The following BCKDHB variants were observed in gnomAD, a reference collection of about 807,000 sequenced individuals.
BCKDHB encodes the protein 2-oxoisovalerate dehydrogenase subunit beta, mitochondrial.
A neutral mutation model predicts 48.5 loss-of-function variants in BCKDHB; 41 were observed. The observed-to-expected ratio is 0.85, with a 90% CI of 0.66 to 1.10. The LOEUF (loss-of-function observed/expected upper bound fraction) is 1.10, where lower values mean the gene tolerates loss of function less well. BCKDHB is among the 50% of genes least tolerant of loss of function. BCKDHB has a pLI of 0.00. For missense variants in BCKDHB, 496 were observed against 494.2 expected, an observed-to-expected ratio of 1.00 and a Z score of -0.03; for synonymous variants, 201 against 174.8, an observed-to-expected ratio of 1.15 and a Z score of -1.18.
chr6:80,435,589 T>C, the BCKDHB span, among the ~76,000 whole-genome samples: 1 of 152,230 alleles, frequency 6.6e-6, no homozygotes, highest in Non-Finnish European at 1.5e-5. Flanking sequence ...TCCACTTTTT[T>C]TCAAGATCTT....
At chr6:80,408,581 T>C in the BCKDHB span, among the ~76,000 whole-genome samples, 1 of 152,172 alleles carries the variant, frequency 6.6e-6, no homozygotes, top group Non-Finnish European at 1.5e-5. Context: ...TGGTTTAGTC[T>C]TGGGAGGTTG....
chr6:80,136,361 G>A (rs1438701094), intron 3 of BCKDHB, among the ~76,000 whole-genome samples: 1 of 152,064 alleles, frequency 6.6e-6, no homozygotes, highest in African/African-American at 2.4e-5. Flanking sequence ...TTCAACAGGG[G>A]AAAGGACAGT....
the BCKDHB span, among the ~76,000 whole-genome samples, chr6:80,379,277 T>G: frequency 1.3e-5 from 2 of 151,984 alleles, no homozygotes; most frequent in Admixed American, 6.6e-5. Flanking sequence ...GCAAGGATGA[T>G]TCAACATATG....
intron 8 of BCKDHB, among the ~76,000 whole-genome samples, chr6:80,239,588 C>CA (rs1776294305): frequency 6.6e-6 from 1 of 152,178 alleles, no homozygotes; most frequent in Admixed American, 6.5e-5. Flanking sequence ...CTTTGCTGTG[C>CA]AGAAGCTCTT....
At chr6:80,442,663 G>T in the BCKDHB span, among the ~76,000 whole-genome samples, 1 of 152,126 alleles carries the variant, frequency 6.6e-6, no homozygotes, top group African/African-American at 2.4e-5. Context: ...GAGGAAAGAA[G>T]ATATCAGAGT....
At chr6:80,311,571 T>G (rs1226554257) in intron 9 of BCKDHB, among the ~76,000 whole-genome samples, 1 of 152,246 alleles carries the variant, frequency 6.6e-6, no homozygotes, top group Non-Finnish European at 1.5e-5. Context: ...GTTTTACATG[T>G]AACTCTTTAA....
At chr6:80,142,085 T>C (rs943010577) in intron 3 of BCKDHB, among the ~76,000 whole-genome samples, 3 of 152,120 alleles carry the variant, frequency 2.0e-5, no homozygotes, top group Admixed American at 6.5e-5. Flanking sequence ...TCATTTCTTA[T>C]GTATTTGGAG....
At chr6:80,139,560 A>G (rs1334615105) in intron 3 of BCKDHB, among the ~76,000 whole-genome samples, 1 of 150,976 alleles carries the variant, frequency 6.6e-6, no homozygotes, top group Non-Finnish European at 1.5e-5. Context: ...TTAAATAGGG[A>G]ATCCTTTCCC....
At chr6:80,127,292 T>A in intron 1 of BCKDHB, 10 of 435,776 alleles carry the variant, frequency 2.3e-5, no homozygotes, top group Non-Finnish European at 4.2e-5. Flanking sequence ...ATTTAGTCAC[T>A]TGGTTATATT....
At chr6:80,389,282 C>A in the BCKDHB span, among the ~76,000 whole-genome samples, 1 of 152,202 alleles carries the variant, frequency 6.6e-6, no homozygotes, top group African/African-American at 2.4e-5. Context: ...ATGGGCTCAG[C>A]AACATTTACT....
intron 8 of BCKDHB, among the ~76,000 whole-genome samples, chr6:80,240,803 C>T (rs1160335823): frequency 6.6e-6 from 1 of 151,992 alleles, no homozygotes; most frequent in Non-Finnish European, 1.5e-5. Context: ...GCCTGTCTTG[C>T]TAGGTTGGGG....
chr6:80,388,173 A>G, the BCKDHB span, among the ~76,000 whole-genome samples: 6 of 152,192 alleles, frequency 3.9e-5, no homozygotes, highest in Non-Finnish European at 8.8e-5. Flanking sequence ...AAAGGCTGCC[A>G]GTTTTGAGTG....
the BCKDHB span, among the ~76,000 whole-genome samples, chr6:80,400,666 C>G: frequency 6.6e-6 from 1 of 151,862 alleles, no homozygotes; most frequent in Non-Finnish European, 1.5e-5. Context: ...TTGGCAATTC[C>G]TCAAAGAGCT....
intron 5 of BCKDHB, 68 bp from the exon 6 acceptor site, chr6:80,171,214 C>T (rs894901495): frequency 1.1e-5 from 10 of 873,060 alleles, no homozygotes; most frequent in Non-Finnish European, 1.9e-5. Flanking sequence ...AATATCAGCC[C>T]TTCTTAGCAG....
intron 9 of BCKDHB, among the ~76,000 whole-genome samples, chr6:80,331,893 G>A (rs1210335458): frequency 2.6e-5 from 4 of 152,016 alleles, no homozygotes; most frequent in African/African-American, 9.7e-5. Flanking sequence ...AGCATTTGAA[G>A]AAACCTAAAG....
chr6:80,385,563 C>A, the BCKDHB span, among the ~76,000 whole-genome samples: 1 of 152,176 alleles, frequency 6.6e-6, no homozygotes, highest in Non-Finnish European at 1.5e-5. Context: ...GCCTTTCCAC[C>A]TTTGTCTGAG....
intron 8 of BCKDHB, among the ~76,000 whole-genome samples, chr6:80,208,934 C>T (rs144827639): frequency 1.1e-3 from 160 of 151,706 alleles, no homozygotes; most frequent in African/African-American, 2.5e-3. Context: ...TAATATCAAA[C>T]GTATTTAGGA....
the BCKDHB span, among the ~76,000 whole-genome samples, chr6:80,383,447 C>T: frequency 2.6e-5 from 4 of 151,928 alleles, no homozygotes; most frequent in Non-Finnish European, 4.4e-5. Flanking sequence ...TAGACAATTA[C>T]ATATATAAAA....
At chr6:80,258,570 G>T (rs751693371) in intron 8 of BCKDHB, among the ~76,000 whole-genome samples, 2 of 152,222 alleles carry the variant, frequency 1.3e-5, no homozygotes, top group Non-Finnish European at 2.9e-5. Context: ...AGCCCAAGGG[G>T]GCAGGATGCC....
Sources: gnomAD v4.1 joint callset for allele counts (sites outside exome capture counted in the v4.1 genomes callset) on GRCh38, gnomAD v4.1.1 for gene constraint, MANE v1.5 for transcripts, NCBI Gene and HGNC (gene_info 2026-07-23, HGNC 2026-07-21) for gene names.